BRD4: variants seen among roughly 807,000 people sequenced by gnomAD.
The protein encoded by BRD4 is bromodomain containing 4, also known as bromodomain-containing protein 4.
In BRD4, 16 loss-of-function variants were observed where a neutral mutation model predicts 142.1. The observed-to-expected ratio is 0.11, with a 90% CI of 0.08 to 0.17. The LOEUF (loss-of-function observed/expected upper bound fraction) is 0.17, where lower values mean the gene tolerates loss of function less well. Among genes scored for constraint, BRD4 ranks in the 10% least tolerant of loss-of-function variants. The pLI, the probability that BRD4 is intolerant of heterozygous loss-of-function variation, is 1.00. For synonymous variants in BRD4, 833 were observed against 707.5 expected (o/e 1.18, Z -2.82); for missense variants, 1,424 against 1,810.9 (o/e 0.79, Z 3.88).
intron 11 of BRD4, among the ~76,000 whole-genome samples, chr19:15,250,918 G>T (rs1249127461): frequency 6.6e-6 from 1 of 152,200 alleles, no homozygotes; most frequent in Non-Finnish European, 1.5e-5. Context: ...GTCTGCAGAT[G>T]CCCTAGGGGT....
chr19:15,322,822 G>A (rs1300232009), intron 1 of BRD4, among the ~76,000 whole-genome samples: 2 of 142,206 alleles, frequency 1.4e-5, no homozygotes, highest in Admixed American at 7.0e-5. Flanking sequence ...AGCTGAGACT[G>A]CGCCACTGCA....
intron 1 of BRD4, among the ~76,000 whole-genome samples, chr19:15,322,256 C>T (rs1277519261): frequency 3.3e-5 from 5 of 152,096 alleles, no homozygotes; most frequent in African/African-American, 1.2e-4. Context: ...TTTCATGACC[C>T]ATGGTTTTGT....
rs2145512061 is a variant in BRD4 at position 15,243,403 on chromosome 19, G to A, written c.2666C>T (p.Ala889Val). 2 of 1,553,136 alleles carry A rather than the reference G, an allele frequency of 1.3e-6. No individual in the cohort carries two copies. Among genetic ancestry groups the A allele is most frequent in the Non-Finnish European group, 1.7e-6 (2 of 1,153,656 alleles). ...TGTTTGGGTCAAGGCTGGTGACACG[G>A]CTGGGGGCCGGGCGGGCTTGGGAGG... is the stretch of plus-strand genomic sequence containing the variant. ...ALPPKPARPP[A>V]VSPALTQTPL... Residue 889 changes from alanine to valine, a missense_variant, in exon 14 of 20, where the codon GCC becomes GTC. Around this residue, in one of 16 missense-constraint regions of BRD4, gnomAD observed 598 missense variants for 647.8 expected, o/e 0.92. Coordinates refer to ENST00000679869, the MANE Select transcript of BRD4 (RefSeq NM_001379291.1).
rs2047265155 is a variant in BRD4, at chr19:15,244,317, T to C, written c.2495A>G (p.Gln832Arg). The C allele has an allele frequency of 6.3e-7, 1 of 1,597,178 alleles. No homozygotes were observed. The highest frequency in any genetic ancestry group is 1.7e-5 in the Admixed American group (1 of 57,172). The change falls in exon 13 of 20, where the codon CAG becomes CGG. Residue 832 changes from glutamine to arginine, a missense_variant. Transcript: ENST00000679869. ...GGGCAGGTGAGGGGGCAGCTCAGGC[T>C]GCGGCAGGTGCAGGATGGGCTGGGT... Reference protein sequence around the residue: ...HFTQPILHLPQPELPPHLPQP... With the variant: ...HFTQPILHLPRPELPPHLPQP...
At position 15,240,073 on chromosome 19, in the gene BRD4, C is replaced by A. The variant is rs745589717; in HGVS notation, c.3170-51G>T. ...CAAGGGGCTGGCTTAGAACTGCTGG[C>A]CCTGAGAGAATTGTCGGGAAGGAAA... On this transcript the variant is annotated intron_variant, in intron 14 of 19. Coordinates refer to ENST00000679869, the MANE Select transcript of BRD4 (RefSeq NM_001379291.1). The A allele has an allele frequency of 7.7e-6, 12 of 1,553,022 alleles. No individual in the cohort carries two copies. In the Admixed American group the frequency reaches 2.1e-4, roughly 28 times the overall value.
Position 15,239,100 on chromosome 19 carries a change from G to T in BRD4, c.3741C>A (p.His1247Gln). ...REKALKAQAEHAEKEKERLRQ... is the reference protein window; with the variant it reads ...REKALKAQAEQAEKEKERLRQ... ...GCAGCCGCTCCTTCTCCTTCTCAGC[G>T]TGCTCGGCCTGAGCCTTCAGGGCCT... The change falls in exon 18 of 20, where the codon CAC becomes CAA. Residue 1247 changes from histidine to glutamine, a missense_variant. By Grantham distance (24) the His-to-Gln change is conservative. Around this residue, in one of 16 missense-constraint regions of BRD4, gnomAD observed 109 missense variants for 117.9 expected, o/e 0.92. Transcript: ENST00000679869. The surrounding 1 kb of genome is among the most constrained non-coding windows in gnomAD (Gnocchi z 7.4). 1 of 1,607,440 alleles carries T rather than the reference G, an allele frequency of 6.2e-7. No individual in the cohort carries two copies.
chr19:15,250,391 A>G (rs2047331558), intron 11 of BRD4, among the ~76,000 whole-genome samples: 1 of 152,196 alleles, frequency 6.6e-6, no homozygotes. Context: ...AAGTCCCTCA[A>G]AGACCCTGGG....
At chr19:15,244,948 C>G (rs998544352) in intron 11 of BRD4, 186 bp from the exon 12 acceptor site, 2 of 1,052,040 alleles carry the variant, frequency 1.9e-6, no homozygotes, top group Non-Finnish European at 1.3e-6. Flanking sequence ...CGAGGCATCA[C>G]CTACCCACTT....
In BRD4 at chr19:15,243,151, T is replaced by C; in HGVS notation, c.2918A>G (p.Gln973Arg). 2 of 761,684 alleles carry C rather than the reference T, an allele frequency of 2.6e-6. No individual in the cohort carries two copies. Among genetic ancestry groups the C allele is most frequent in the Non-Finnish European group, 3.5e-6 (2 of 571,342 alleles). The allele number at this position is 761,684 out of a possible 1,614,324, so 47.2% of individuals were successfully genotyped here. A position where few individuals can be genotyped will look rare whatever the true frequency, so the allele number is the denominator to read the frequency against. ...HPSVQQQLQQ[Q>R]PPPPPPPQPQ... Reference sequence around the variant, plus strand: ...CTGGGGTGGTGGGGGTGGTGGCGGCTGCTGCTGCAGCTGCTGCTGCACAGA... The same window carrying C: ...CTGGGGTGGTGGGGGTGGTGGCGGCCGCTGCTGCAGCTGCTGCTGCACAGA... The change falls in exon 14 of 20, where the codon CAG (glutamine) becomes CGG (arginine). Residue 973 changes from glutamine to arginine, a missense_variant. This residue lies in a region of BRD4 where 598 missense variants were observed against 647.8 expected (regional missense o/e 0.92). Transcript: ENST00000679869.
intron 1 of BRD4, among the ~76,000 whole-genome samples, chr19:15,305,084 T>C (rs2047902651): frequency 6.7e-6 from 1 of 149,286 alleles, no homozygotes; most frequent in South Asian, 2.1e-4. Context: ...AATGGCGCGA[T>C]CTCAGCACAC....
intron 1 of BRD4, among the ~76,000 whole-genome samples, chr19:15,295,833 T>C (rs1402014165): frequency 6.6e-6 from 1 of 152,050 alleles, no homozygotes; most frequent in Non-Finnish European, 1.5e-5. Flanking sequence ...TAGCCAGGCA[T>C]AGTGGCACAC....
chr19:15,242,354 T>G (rs1431890002), intron 14 of BRD4, among the ~76,000 whole-genome samples: 1 of 152,132 alleles, frequency 6.6e-6, no homozygotes, highest in African/African-American at 2.4e-5. Flanking sequence ...TGAAAGGGTG[T>G]GGCCTGACCA....
intron 14 of BRD4, among the ~76,000 whole-genome samples, chr19:15,242,410 G>A (rs749695416): frequency 6.6e-6 from 1 of 152,188 alleles, no homozygotes; most frequent in Non-Finnish European, 1.5e-5. Flanking sequence ...CTGGAGGCTG[G>A]TAACAGGCGA....
Position 15,264,389 on chromosome 19 carries a change from G to A in BRD4, c.1212+15C>T, listed in dbSNP as rs1249107366. The stretch of plus-strand genomic sequence containing the variant: ...CTGCCCACCTTGTCCCTTCCCTCAG[G>A]CACATCCCGCTAACCTTGATTGTGC... On this transcript the variant is annotated intron_variant, in intron 6 of 19. Coordinates refer to ENST00000679869, the MANE Select transcript of BRD4 (RefSeq NM_001379291.1). 6.3e-7 allele frequency: 1 copy of A among 1,580,152 alleles called. No individual in the cohort carries two copies. Among genetic ancestry groups the A allele is most frequent in the Non-Finnish European group, 8.6e-7 (1 of 1,158,630 alleles).
intron 1 of BRD4, among the ~76,000 whole-genome samples, chr19:15,293,704 A>G (rs938561896): frequency 1.3e-5 from 2 of 152,334 alleles, no homozygotes; most frequent in East Asian, 3.9e-4. Context: ...TAGGTGTACA[A>G]TTCAGTGGCT....
Position 15,238,105 on chromosome 19 carries a change from G to T in BRD4, c.*272C>A. ...CCCCGCATGTGGGGATGCAGGGCTTGGGTCCAGCCGGCACTTGCTCGTAAC... is the reference window on the plus strand; with the variant it reads ...CCCCGCATGTGGGGATGCAGGGCTTTGGTCCAGCCGGCACTTGCTCGTAAC... On this transcript the variant is annotated 3_prime_UTR_variant, in exon 20 of 20. Coordinates refer to ENST00000679869, the MANE Select transcript of BRD4 (RefSeq NM_001379291.1). This position sits in a 1 kb window ranked among gnomAD's most constrained non-coding sequence, Gnocchi z 7.2. The T allele has an allele frequency of 2.0e-6, 1 of 490,968 alleles. No individual in the cohort carries two copies. Among genetic ancestry groups the T allele is most frequent in the Non-Finnish European group, 3.7e-6 (1 of 272,668 alleles). 30.4% of individuals were successfully genotyped at this position (490,968 alleles called of 1,614,324 possible).
chr19:15,313,147 G>C (rs899076550), intron 1 of BRD4, among the ~76,000 whole-genome samples: 8 of 151,812 alleles, frequency 5.3e-5, no homozygotes, highest in Non-Finnish European at 8.8e-5. Flanking sequence ...TGAGGCGGGC[G>C]GATCACGAGG....
rs909757746 is a variant in BRD4, at chr19:15,249,393, C to G, written c.2159-4631G>C. ...CGCAGACTGAGCCAACCTCCTGCGCCCTGGTGGCTGATGGGCACAAGAACG... is the reference window on the plus strand; with the variant it reads ...CGCAGACTGAGCCAACCTCCTGCGCGCTGGTGGCTGATGGGCACAAGAACG... On this transcript the variant is annotated intron_variant, in intron 11 of 19. Transcript: ENST00000679869. 2.5e-6 allele frequency: 4 copies of G among 1,587,366 alleles called. No homozygotes were observed. The African/African-American group carries it at 5.4e-5, about 21-fold the overall frequency.
chr19:15,257,459 CCCA>C, intron 7 of BRD4: 1 of 483,230 alleles, frequency 2.1e-6, no homozygotes, highest in Non-Finnish European at 3.7e-6. Flanking sequence ...GGACATGAGA[CCCA>C]GGCCACTAAG....
Sources: gnomAD v4.1 joint callset for allele counts (sites outside exome capture counted in the v4.1 genomes callset) on GRCh38, gnomAD v4.1.1 for gene constraint, gnomAD v4.1.1 regional missense constraint, Gnocchi (gnomAD v3.1) non-coding constraint, MANE v1.5 for transcripts, NCBI Gene and HGNC (gene_info 2026-07-23, HGNC 2026-07-21) for gene names.